Variants in SLC9A9 observed in about 807,000 individuals in gnomAD.
SLC9A9 encodes the protein sodium/hydrogen exchanger 9.
In SLC9A9, 62 loss-of-function variants were observed where a neutral mutation model predicts 77.8. The observed-to-expected ratio is 0.80, with a 90% CI of 0.65 to 0.98. The LOEUF is 0.98. Among genes scored for constraint, SLC9A9 ranks in the 50% least tolerant of loss-of-function variants. SLC9A9 has a pLI of 0.00. For missense variants in SLC9A9, 775 were observed against 774.9 expected, an observed-to-expected ratio of 1.00 and a Z score of 0.00; for synonymous variants, 320 against 283.5, an observed-to-expected ratio of 1.13 and a Z score of -1.29.
intron 14 of SLC9A9, 21 bp from the exon 15 acceptor site, chr3:143,269,001 T>C (rs772750838): frequency 1.3e-6 from 2 of 1,545,826 alleles, no homozygotes; most frequent in Non-Finnish European, 1.8e-6. Flanking sequence ...TGTTAAGGAA[T>C]ACTTGTCAAC....
At chr3:143,619,152 C>T (rs114293935) in intron 6 of SLC9A9, among the ~76,000 whole-genome samples, 1,773 of 152,178 alleles carry the variant, frequency 0.012, 46 homozygotes, top group Admixed American at 0.057. Context: ...GAAGAATGTC[C>T]ACAAGGAGTA....
intron 14 of SLC9A9, among the ~76,000 whole-genome samples, chr3:143,341,751 A>G (rs2032104629): frequency 6.6e-6 from 1 of 152,232 alleles, no homozygotes; most frequent in African/African-American, 2.4e-5. Flanking sequence ...TTTTACAATC[A>G]TATAATTTAT....
At chr3:143,672,671 G>A (rs2039177414) in intron 5 of SLC9A9, among the ~76,000 whole-genome samples, 1 of 152,074 alleles carries the variant, frequency 6.6e-6, no homozygotes, top group Non-Finnish European at 1.5e-5. Context: ...TCTTCCTCAA[G>A]GCTAAGCTTG....
rs1451317937 is a variant in SLC9A9, at chr3:143,340,899, A to G, written c.1604+22585T>C. 2.6e-5 allele frequency among the ~76,000 whole-genome samples: 4 copies of G among 152,196 alleles called. No individual in the cohort carries two copies. The East Asian group carries it at 7.7e-4, about 29-fold the overall frequency. On this transcript the variant is annotated intron_variant, in intron 14 of 15. Transcript: ENST00000316549. The stretch of plus-strand genomic sequence containing the variant: ...GATTGGAAATCTATTGAAATTTGCT[A>G]GTCATTAGTGCAGAAGGCTTTATTC...
intron 4 of SLC9A9, among the ~76,000 whole-genome samples, chr3:143,694,423 A>C (rs1023880995): frequency 6.6e-6 from 1 of 152,160 alleles, no homozygotes; most frequent in African/African-American, 2.4e-5. Context: ...GAATTGTTTT[A>C]AGGATTAACT....
At chr3:143,474,208 A>T (rs757827867) in intron 11 of SLC9A9, among the ~76,000 whole-genome samples, 1 of 152,122 alleles carries the variant, frequency 6.6e-6, no homozygotes, top group Non-Finnish European at 1.5e-5. Flanking sequence ...GTGTGATGGG[A>T]GCAGGATAAA....
chr3:143,550,469 A>G (rs927477208), intron 9 of SLC9A9, among the ~76,000 whole-genome samples: 7 of 152,150 alleles, frequency 4.6e-5, no homozygotes, highest in African/African-American at 1.7e-4. Flanking sequence ...TATGCCATAT[A>G]ATTTTCCTTG....
intron 6 of SLC9A9, among the ~76,000 whole-genome samples, chr3:143,649,122 C>T (rs1031534955): frequency 6.6e-6 from 1 of 152,182 alleles, no homozygotes; most frequent in Non-Finnish European, 1.5e-5. Context: ...GACTCTTAAC[C>T]TAGACTTCTT....
chr3:143,442,892 C>T (rs2034771574), intron 12 of SLC9A9, among the ~76,000 whole-genome samples: 1 of 152,060 alleles, frequency 6.6e-6, no homozygotes, highest in Admixed American at 6.5e-5. Context: ...GCCCATGGGG[C>T]CCGGTGGGGT....
chr3:143,391,591 G>A (rs1345411971), intron 12 of SLC9A9, among the ~76,000 whole-genome samples: 1 of 152,226 alleles, frequency 6.6e-6, no homozygotes, highest in East Asian at 1.9e-4. Context: ...ATGGAACAAA[G>A]CTGGATGGAA....
At chr3:143,318,266 A>G (rs1297716174) in intron 14 of SLC9A9, among the ~76,000 whole-genome samples, 3 of 152,232 alleles carry the variant, frequency 2.0e-5, no homozygotes, top group Admixed American at 6.5e-5. Flanking sequence ...GAATATTTAG[A>G]CAGGAAAATG....
rs149151976 is a variant in SLC9A9 at position 143,793,686 on chromosome 3, C to T, written c.533+1315G>A. Among the ~76,000 whole-genome samples the T allele has an allele frequency of 3.3e-5, 5 of 152,312 alleles. 1 individual carries two copies. The highest frequency in any genetic ancestry group is 9.6e-5 in the African/African-American group (4 of 41,560). On this transcript the variant is annotated intron_variant, in intron 4 of 15. Coordinates refer to ENST00000316549, the MANE Select transcript of SLC9A9 (RefSeq NM_173653.4). ...GAAGTTCTGAGTTCTGTTTTGACAA[C>T]GGCCCTGATTCTCAGAGATGGTAAG...
chr3:143,768,197 A>G (rs1272847194), intron 4 of SLC9A9, among the ~76,000 whole-genome samples: 2 of 152,106 alleles, frequency 1.3e-5, no homozygotes, highest in Non-Finnish European at 2.9e-5. Flanking sequence ...ACTCTCATTT[A>G]TTCTCAGCGA....
chr3:143,792,324 G>A (rs1238597641), intron 4 of SLC9A9, among the ~76,000 whole-genome samples: 1 of 152,194 alleles, frequency 6.6e-6, no homozygotes, highest in African/African-American at 2.4e-5. Flanking sequence ...CTGAATTTAA[G>A]TATGTGCCCT....
chr3:143,477,692 C>T (rs1037656345), intron 11 of SLC9A9, among the ~76,000 whole-genome samples: 5 of 152,068 alleles, frequency 3.3e-5, no homozygotes, highest in Non-Finnish European at 5.9e-5. Flanking sequence ...GTCTGTGTGT[C>T]ACAGAAGCTT....
intron 9 of SLC9A9, among the ~76,000 whole-genome samples, chr3:143,501,584 A>T (rs1196417266): frequency 6.6e-6 from 1 of 150,972 alleles, no homozygotes; most frequent in Non-Finnish European, 1.5e-5. Flanking sequence ...TTTTCCCCAT[A>T]TTCTTGCCAA....
intron 4 of SLC9A9, among the ~76,000 whole-genome samples, chr3:143,770,162 A>G (rs1409704446): frequency 6.6e-6 from 1 of 152,210 alleles, no homozygotes; most frequent in Non-Finnish European, 1.5e-5. Flanking sequence ...ACCTAGTTCT[A>G]GATGATCTGG....
At chr3:143,713,525 G>A (rs554961336) in intron 4 of SLC9A9, among the ~76,000 whole-genome samples, 62 of 152,318 alleles carry the variant, frequency 4.1e-4, no homozygotes, top group Middle Eastern at 3.4e-3. Context: ...ATATTACAAA[G>A]AGTCAGAGCA....
chr3:143,788,443 C>A (rs1340262216), intron 4 of SLC9A9, among the ~76,000 whole-genome samples: 2 of 152,252 alleles, frequency 1.3e-5, no homozygotes, highest in African/African-American at 2.4e-5. Flanking sequence ...GTAATCCCAG[C>A]ACTTTGGGAG....
Sources: allele counts gnomAD v4.1 joint callset (sites outside exome capture counted in the v4.1 genomes callset), GRCh38; gene constraint gnomAD v4.1.1; transcripts MANE v1.5; gene names NCBI Gene and HGNC (gene_info 2026-07-23, HGNC 2026-07-21).